MCM3AP: variants seen among roughly 807,000 people sequenced by gnomAD.
MCM3AP encodes germinal-center associated nuclear protein.
A neutral mutation model predicts 184.1 loss-of-function variants in MCM3AP; 126 were observed. The observed-to-expected ratio is 0.68, with a 90% CI of 0.59 to 0.79. MCM3AP has a LOEUF of 0.79. Ranked by LOEUF, MCM3AP falls within the 30% of genes least tolerant of loss-of-function variation. The pLI is 0.00. For missense variants in MCM3AP, 2,496 were observed against 2,479.2 expected, an observed-to-expected ratio of 1.01 and a Z score of -0.14; for synonymous variants, 1,002 against 979.3, an observed-to-expected ratio of 1.02 and a Z score of -0.43.
chr21:46,274,492 T>A (rs2145700332), intron 6 of MCM3AP, among the ~76,000 whole-genome samples: 1 of 152,328 alleles, frequency 6.6e-6, no homozygotes, highest in East Asian at 1.9e-4. Context: ...TAATATGCTG[T>A]CATTTTTAAA....
At chr21:46,282,626 A>C (rs1427018406) in intron 2 of MCM3AP, among the ~76,000 whole-genome samples, 1 of 151,960 alleles carries the variant, frequency 6.6e-6, no homozygotes, top group African/African-American at 2.4e-5. Flanking sequence ...GACACAGTGA[A>C]AGCCCGTATC....
chr21:46,279,289 A>T (rs2081296039), intron 4 of MCM3AP, among the ~76,000 whole-genome samples: 1 of 152,220 alleles, frequency 6.6e-6, no homozygotes, highest in Admixed American at 6.5e-5. Flanking sequence ...GTGTCTCAAA[A>T]AAAAAAGGAA....
At position 46,235,393 on chromosome 21, in the gene MCM3AP, C is replaced by T. The variant is rs765679894; in HGVS notation, c.5818G>A (p.Glu1940Lys). 1.2e-6 allele frequency: 2 copies of T among 1,614,126 alleles called. No individual in the cohort carries two copies. The highest frequency in any genetic ancestry group is 1.7e-6 in the Non-Finnish European group (2 of 1,180,008). Reference protein sequence around the residue: ...DMMREQLQLSEATGTCLGERL... With the variant: ...DMMREQLQLSKATGTCLGERL... ...TCGCCTAGACACGTTCCTGTCGCCT[C>T]TGACAGCTGCAGTTGCTCCCTCATC... is the stretch of plus-strand genomic sequence containing the variant. Residue 1940 changes from glutamate to lysine, a missense_variant, in exon 28 of 28, where the codon GAG becomes AAG. Transcript: ENST00000291688.
intron 25 of MCM3AP, chr21:46,241,990 A>G (rs2080674673): frequency 6.6e-6 from 1 of 152,176 alleles, no homozygotes; most frequent in Admixed American, 6.5e-5. Flanking sequence ...CTTTCTGTTC[A>G]GGTTTATTGT....
chr21:46,249,214 G>A lies in MCM3AP; in HGVS notation c.4290+2315C>T, dbSNP rs139108822. 3.9e-5 allele frequency among the ~76,000 whole-genome samples: 6 copies of A among 152,184 alleles called. No homozygotes were observed. In the East Asian group the frequency reaches 9.6e-4, roughly 24 times the overall value. ...CAAATAATTTTCTTTCTTTTGAGAC[G>A]GGGTCTTCCTCTGTCAACACCGGAG... On this transcript the variant is annotated intron_variant, in intron 20 of 27. Transcript: ENST00000291688.
At position 46,261,274 on chromosome 21, in the gene MCM3AP, A is replaced by G; in HGVS notation, c.3467+6T>C. The G allele has an allele frequency of 6.2e-7, 1 of 1,613,746 alleles. No individual in the cohort carries two copies. Among genetic ancestry groups the G allele is most frequent in the Non-Finnish European group, 8.5e-7 (1 of 1,179,972 alleles). On this transcript the variant is annotated splice_donor_region_variant and intron_variant, in intron 14 of 27. Transcript: ENST00000291688. ...TTATTCGGCTGCATGGACAAGACACACTTACCTTTCCTCTTCAGCCCGCTG... is the reference window on the plus strand; with the variant it reads ...TTATTCGGCTGCATGGACAAGACACGCTTACCTTTCCTCTTCAGCCCGCTG...
intron 8 of MCM3AP, 150 bp from the exon 9 acceptor site, chr21:46,270,713 A>C: frequency 1.5e-6 from 1 of 650,722 alleles, no homozygotes; most frequent in Non-Finnish European, 2.6e-6. Flanking sequence ...CCAAGGTGGG[A>C]GGATCGTTTG....
At chr21:46,278,900 C>T (rs191116802) in intron 4 of MCM3AP, among the ~76,000 whole-genome samples, 20 of 151,252 alleles carry the variant, frequency 1.3e-4, no homozygotes, top group African/African-American at 4.4e-4. Context: ...GTCTCAATCT[C>T]CTGACCTTGT....
chr21:46,243,506 T>C lies in MCM3AP; in HGVS notation c.5255A>G (p.Lys1752Arg), dbSNP rs777456012. The C allele has an allele frequency of 4.3e-6, 7 of 1,613,882 alleles. No homozygotes were observed. The South Asian group carries it at 6.6e-5, about 15-fold the overall frequency. ...CCGGGGGGGCGTCCAGTCTCTCAGC[T>C]TGTGGTTGATACACAAGGCGATAAG... is the stretch of plus-strand genomic sequence containing the variant. ...DDLIALCINH[K>R]LRDWTPPRLP... The change falls in exon 24 of 28, where the codon AAG becomes AGG. Residue 1752 changes from lysine (K) to arginine (R), a missense_variant. This residue lies in a region of MCM3AP where 1,323 missense variants were observed against 1,273.4 expected (regional missense o/e 1.04). Transcript: ENST00000291688.
intron 26 of MCM3AP, among the ~76,000 whole-genome samples, chr21:46,239,617 C>T (rs1198521637): frequency 3.3e-5 from 5 of 152,178 alleles, no homozygotes; most frequent in African/African-American, 1.2e-4. Context: ...GGCTACCAGA[C>T]ATCCAATAGG....
At position 46,284,129 on chromosome 21, in the gene MCM3AP, T is replaced by G; in HGVS notation, c.1158A>C (p.Ala386=). Residue 386 remains alanine (A), a synonymous_variant, in exon 1 of 28, where the codon GCA becomes GCC. Coordinates refer to ENST00000291688, the MANE Select transcript of MCM3AP (RefSeq NM_003906.5). ...AIPGGNQSVL[A]PSRIPGVNKE... ...TATTCACACCTGGAATCCGGGAAGG[T>G]GCCAGGACAGACTGATTCCCTCCTG... 1.2e-6 allele frequency: 2 copies of G among 1,614,208 alleles called. No homozygotes were observed.
chr21:46,264,502 A>T (rs1569070235), intron 12 of MCM3AP, among the ~76,000 whole-genome samples: 1 of 151,982 alleles, frequency 6.6e-6, no homozygotes, highest in Admixed American at 6.6e-5. Flanking sequence ...CCCCCTAAGC[A>T]CTCCCTGATC....
In MCM3AP at chr21:46,251,468, A is replaced by C. The variant is rs2080867141; in HGVS notation, c.4290+61T>G. 4 of 1,410,616 alleles carry C rather than the reference A, an allele frequency of 2.8e-6. No homozygotes were observed. In the Admixed American group the frequency reaches 7.2e-5, roughly 25 times the overall value. 87.4% of individuals were successfully genotyped at this position (1,410,616 alleles called of 1,614,324 possible). ...GCAGTATTTGCATGGTTCCAGTGAT[A>C]TCTGGGAGTAAGTGAAAGTAATGAA... On this transcript the variant is annotated intron_variant, in intron 20 of 27. Transcript: ENST00000291688.
chr21:46,283,855 T>C lies in MCM3AP; in HGVS notation c.1220-17A>G, dbSNP rs2081364636. On this transcript the variant is annotated splice_polypyrimidine_tract_variant and intron_variant, in intron 1 of 27. Coordinates refer to ENST00000291688, the MANE Select transcript of MCM3AP (RefSeq NM_003906.5). ...TTAGAGAATCTAGGGGTTCAGAGAA[T>C]GGACACTTAAACCATCAGATGTTTC... The C allele has an allele frequency of 2.5e-6, 4 of 1,601,696 alleles. No individual in the cohort carries two copies. The highest frequency in any genetic ancestry group is 3.4e-6 in the Non-Finnish European group (4 of 1,170,526).
chr21:46,244,085 GGT>G (rs2123824436), intron 23 of MCM3AP, among the ~76,000 whole-genome samples: 1 of 152,356 alleles, frequency 6.6e-6, no homozygotes, highest in South Asian at 2.1e-4. Flanking sequence ...TGTGCTGAGT[GGT>G]TTGCTTCCCT....
chr21:46,243,463 A>C lies in MCM3AP; in HGVS notation c.5296+2T>G. On this transcript the variant is annotated splice_donor_variant, in intron 24 of 27. Coordinates refer to ENST00000291688, the MANE Select transcript of MCM3AP (RefSeq NM_003906.5). LOFTEE classifies it high-confidence loss of function. ...GATCCCATTGCATCAAGCTCTAATT[A>C]CCTGATGTAACAGGAAGCCGGGGGG... 6.2e-7 allele frequency: 1 copy of C among 1,603,658 alleles called. No homozygotes were observed.
intron 6 of MCM3AP, 146 bp downstream of exon 6, chr21:46,275,040 T>G (rs1377711322): frequency 3.9e-6 from 3 of 774,920 alleles, no homozygotes; most frequent in Non-Finnish European, 5.6e-6. Flanking sequence ...AGTGAACATC[T>G]CACAATGCAA....
intron 25 of MCM3AP, 153 bp downstream of exon 25, chr21:46,242,649 T>C (rs1265477600): frequency 3.0e-6 from 2 of 663,740 alleles, no homozygotes; most frequent in Admixed American, 3.4e-5. Context: ...TCTAGAATAG[T>C]TTCTACTGCA....
Position 46,283,704 on chromosome 21 carries a change from G to T in MCM3AP, c.1354C>A (p.Leu452Met), listed in dbSNP as rs770732980. 6 of 1,614,026 alleles carry T rather than the reference G, an allele frequency of 3.7e-6. No homozygotes were observed. The highest frequency in any genetic ancestry group is 5.1e-6 in the Non-Finnish European group (6 of 1,179,994). Residue 452 changes from leucine (L) to methionine (M), a missense_variant, in exon 2 of 28, where the codon CTG becomes ATG. Transcript: ENST00000291688. ...IPDYLNDRTI[L>M]ENHFGKIAKV... ...GCAATTTTGCCAAAATGGTTCTCCA[G>T]AATGGTCCTGTCGTTGAGGTAGTCA...
Sources: allele counts gnomAD v4.1 joint callset (sites outside exome capture counted in the v4.1 genomes callset), GRCh38; gene constraint gnomAD v4.1.1; regional missense constraint gnomAD v4.1.1; transcripts MANE v1.5; gene names NCBI Gene and HGNC (gene_info 2026-07-23, HGNC 2026-07-21).